The following TRPM2 variants were observed in gnomAD, a reference collection of about 807,000 sequenced individuals.
The protein encoded by TRPM2 is estrogen-responsive element-associated gene 1 protein.
Under a neutral mutation model 174.0 loss-of-function variants are expected in TRPM2, and 161 were observed. That is an observed-to-expected ratio of 0.93 (90% CI 0.81 to 1.05). The LOEUF (loss-of-function observed/expected upper bound fraction) is 1.05. Among genes scored for constraint, TRPM2 ranks in the 50% least tolerant of loss-of-function variants. The pLI is 0.00. For synonymous variants in TRPM2, 954 were observed against 861.3 expected (o/e 1.11, Z -1.88); for missense variants, 2,057 against 2,038.0 (o/e 1.01, Z -0.18).
intron 2 of TRPM2, among the ~76,000 whole-genome samples, chr21:44,358,433 G>A (rs918166890): frequency 6.6e-6 from 1 of 152,224 alleles, no homozygotes; most frequent in Non-Finnish European, 1.5e-5. Flanking sequence ...ACCTCCAAGA[G>A]CTCTCATTTC....
rs1261928767 is a variant in TRPM2 at position 44,405,922 on chromosome 21, T to C, written c.2675T>C (p.Leu892Pro). Reference protein sequence around the residue: ...GLTCRLIPATLYPGRVILSLD... With the variant: ...GLTCRLIPATPYPGRVILSLD... The stretch of plus-strand genomic sequence containing the variant: ...GCGGCCAGGCTCATCCCGGCGACGC[T>C]GTACCCCGGGCGCGTCATCCTCTCT... Residue 892 changes from leucine (L) to proline (P), a missense_variant, in exon 18 of 32, where the codon CTG becomes CCG. Transcript: ENST00000397928. 2 of 1,604,994 alleles carry C rather than the reference T, an allele frequency of 1.2e-6. No individual in the cohort carries two copies. The highest frequency in any genetic ancestry group is 1.7e-5 in the Admixed American group (1 of 59,926).
At chr21:44,425,211 C>T (rs2050712252) in intron 24 of TRPM2, 1 of 477,092 alleles carries the variant, frequency 2.1e-6, no homozygotes, top group South Asian at 3.4e-5. Flanking sequence ...CCACATACCG[C>T]ACTGCAGAGT....
chr21:44,381,678 G>A (rs536362687), intron 8 of TRPM2, among the ~76,000 whole-genome samples: 1 of 152,032 alleles, frequency 6.6e-6, no homozygotes, highest in Admixed American at 6.6e-5. Flanking sequence ...AGGTTGATGC[G>A]GGTGGATCAC....
At chr21:44,358,470 G>A (rs9984977) in intron 2 of TRPM2, among the ~76,000 whole-genome samples, 6 of 152,002 alleles carry the variant, frequency 3.9e-5, no homozygotes, top group East Asian at 1.9e-4. Context: ...GTGGTGTCCC[G>A]TTTACGCCTA....
chr21:44,394,155 C>A (rs1230794693), intron 11 of TRPM2, among the ~76,000 whole-genome samples: 1 of 152,098 alleles, frequency 6.6e-6, no homozygotes, highest in Admixed American at 6.6e-5. Flanking sequence ...AGGCGTGAGC[C>A]ACCGTGCCAG....
At position 44,375,872 on chromosome 21, in the gene TRPM2, C is replaced by T. The variant is rs754793388; in HGVS notation, c.811C>T (p.Gln271Ter). 3 of 1,613,868 alleles carry T rather than the reference C, an allele frequency of 1.9e-6. No individual in the cohort carries two copies. Among genetic ancestry groups the T allele is most frequent in the Non-Finnish European group, 2.5e-6 (3 of 1,179,994 alleles). Residue 271 changes from glutamine to a stop codon, truncating the protein, a stop_gained, in exon 6 of 32, where the codon CAA (glutamine) becomes TAA (stop). Coordinates refer to ENST00000397928, the MANE Select transcript of TRPM2 (RefSeq NM_003307.4). LOFTEE classifies it high-confidence loss of function. ...CGAGTACATACTGGATGAGGATGGCCAAGGGAACCTGACCTGCCTAGACAG... is the reference window on the plus strand; with the variant it reads ...CGAGTACATACTGGATGAGGATGGCTAAGGGAACCTGACCTGCCTAGACAG... ...PAEYILDEDGQGNLTCLDSNH... is the reference protein window; with the variant it reads ...PAEYILDEDG
chr21:44,369,024 A>T, intron 4 of TRPM2, 153 bp from the exon 5 acceptor site: 1 of 825,486 alleles, frequency 1.2e-6, no homozygotes, highest in Non-Finnish European at 1.8e-6. Flanking sequence ...TCGGTTCCTT[A>T]CACCTGATGC....
At position 44,417,855 on chromosome 21, in the gene TRPM2, C is replaced by T. The variant is rs551856407; in HGVS notation, c.3147-72C>T. ...GCTCTCTGTGGCATCACAGTGGGCA[C>T]GCAGGCGGTGAGAGGGGTCTGTTCT... On this transcript the variant is annotated intron_variant, in intron 20 of 31. Transcript: ENST00000397928. 258 of 1,506,692 alleles carry T rather than the reference C, an allele frequency of 1.7e-4. 1 individual carries two copies. The African/African-American group carries it at 2.0e-3, about 12-fold the overall frequency. 93.3% of individuals were successfully genotyped at this position (1,506,692 alleles called of 1,614,324 possible).
At chr21:44,406,324 C>T (rs886772011) in intron 18 of TRPM2, among the ~76,000 whole-genome samples, 3 of 149,394 alleles carry the variant, frequency 2.0e-5, no homozygotes, top group African/African-American at 7.7e-5. Context: ...TCTGACCGCA[C>T]TCATTCCTGG....
At chr21:44,379,709 G>A (rs930484694) in intron 8 of TRPM2, among the ~76,000 whole-genome samples, 10 of 152,222 alleles carry the variant, frequency 6.6e-5, no homozygotes, top group African/African-American at 2.2e-4. Flanking sequence ...GAGGGGGTCC[G>A]TTGTGAAGGG....
chr21:44,367,043 C>A lies in TRPM2; in HGVS notation c.604+109C>A. The A allele has an allele frequency of 7.6e-7, 1 of 1,320,778 alleles. No individual in the cohort carries two copies. The allele number at this position is 1,320,778 out of a possible 1,614,324, so 81.8% of individuals were successfully genotyped here. On this transcript the variant is annotated intron_variant, in intron 4 of 31. Transcript: ENST00000397928. The surrounding 1 kb of genome is among the most constrained non-coding windows in gnomAD (Gnocchi z 4.6). ...GACCCAAAAAGTCCCTGGGAGCCGCCGAGGCTGTGCCCCAGCCTGAGTCGG... is the reference window on the plus strand; with the variant it reads ...GACCCAAAAAGTCCCTGGGAGCCGCAGAGGCTGTGCCCCAGCCTGAGTCGG...
rs369751718 is a variant in TRPM2 at position 44,418,020 on chromosome 21, G to A, written c.3240G>A (p.Ala1080=). 50 of 1,612,798 alleles carry A rather than the reference G, an allele frequency of 3.1e-5. No individual in the cohort carries two copies. Among genetic ancestry groups the A allele is most frequent in the African/African-American group, 2.8e-4 (21 of 74,916 alleles). The change falls in exon 21 of 32, where the codon GCG becomes GCA. Residue 1080 remains alanine, a synonymous_variant. Transcript: ENST00000397928. ...AGGAGTACCACGGCCGCCCCGCCGC[G>A]CCGCCCCCCTTCATCCTCCTCAGCC... ...LIEEYHGRPA[A]PPPFILLSHL...
intron 30 of TRPM2, among the ~76,000 whole-genome samples, chr21:44,440,152 C>T (rs2146431116): frequency 6.6e-6 from 1 of 151,328 alleles, no homozygotes; most frequent in South Asian, 2.1e-4. Flanking sequence ...GCCTGGCCAA[C>T]ATGGTGAAAC....
Position 44,366,930 on chromosome 21 carries a change from C to T in TRPM2, c.600C>T (p.Thr200=). The T allele has an allele frequency of 6.3e-7, 1 of 1,583,664 alleles. No individual in the cohort carries two copies. The highest frequency in any genetic ancestry group is 8.6e-7 in the Non-Finnish European group (1 of 1,161,080). The change falls in exon 4 of 32, where the codon ACC becomes ACT. Residue 200 remains threonine, a synonymous_variant. Coordinates refer to ENST00000397928, the MANE Select transcript of TRPM2 (RefSeq NM_003307.4). This position sits in a 1 kb window ranked among gnomAD's most constrained non-coding sequence, Gnocchi z 6.0. The part of the protein sequence containing the change: ...FRRGLVKVAQ[T]TGAWIITGGS... ...GAGGCCTGGTCAAGGTGGCTCAGACCACAGGTAACTCGGAGGCTGGAGGGA... is the reference window on the plus strand; with the variant it reads ...GAGGCCTGGTCAAGGTGGCTCAGACTACAGGTAACTCGGAGGCTGGAGGGA...
intron 9 of TRPM2, among the ~76,000 whole-genome samples, chr21:44,390,329 T>G (rs1404262708): frequency 6.6e-6 from 1 of 152,214 alleles, no homozygotes; most frequent in Non-Finnish European, 1.5e-5. Context: ...TGTTGATTCT[T>G]GTGTATGGTG....
At chr21:44,422,781 CA>C (rs2050598435) in intron 22 of TRPM2, among the ~76,000 whole-genome samples, 1 of 144,190 alleles carries the variant, frequency 6.9e-6, no homozygotes, top group Non-Finnish European at 1.5e-5. Flanking sequence ...TACAACCCCA[CA>C]AAATAAGACA....
In TRPM2 at chr21:44,427,070, G is replaced by C. The variant is rs1218076928; in HGVS notation, c.3933G>C (p.Arg1311=). Residue 1311 remains arginine, a synonymous_variant, in exon 27 of 32, where the codon CGG becomes CGC. Coordinates refer to ENST00000397928, the MANE Select transcript of TRPM2 (RefSeq NM_003307.4). ...TGGTGGATGGCCTGAGGGACCGCCG[G>C]AGCTTCCACGGGCCGTACACAGTGC... ...YNVVDGLRDR[R]SFHGPYTVQA... is the part of the protein sequence containing the mutation. The C allele has an allele frequency of 1.9e-6, 3 of 1,606,990 alleles. No individual in the cohort carries two copies. The highest frequency in any genetic ancestry group is 2.2e-5 in the East Asian group (1 of 44,668).
intron 8 of TRPM2, among the ~76,000 whole-genome samples, chr21:44,381,669 G>T (rs1843746310): frequency 6.6e-6 from 1 of 152,126 alleles, no homozygotes; most frequent in African/African-American, 2.4e-5. Context: ...CACTTTGGGA[G>T]GTTGATGCGG....
intron 2 of TRPM2, among the ~76,000 whole-genome samples, chr21:44,358,223 C>T (rs1255566066): frequency 1.3e-5 from 2 of 152,190 alleles, no homozygotes; most frequent in African/African-American, 2.4e-5. Context: ...CACCCTGGTC[C>T]AGACCTTTGT....
Sources: allele counts gnomAD v4.1 joint callset (sites outside exome capture counted in the v4.1 genomes callset), GRCh38; gene constraint gnomAD v4.1.1; non-coding constraint Gnocchi (gnomAD v3.1); transcripts MANE v1.5; gene names NCBI Gene and HGNC (gene_info 2026-07-23, HGNC 2026-07-21).